PAX3: variants seen among roughly 807,000 people sequenced by gnomAD.
PAX3 encodes paired box protein Pax-3.
PAX3 carries 14 observed loss-of-function variants against 51.6 expected under a neutral mutation model. The observed-to-expected ratio is 0.27, with a 90% CI of 0.18 to 0.42. The LOEUF is 0.42. PAX3 is among the 10% of genes least tolerant of loss of function. The pLI, the probability that PAX3 is intolerant of heterozygous loss-of-function variation, is 1.00. For synonymous variants in PAX3, 280 were observed against 253.4 expected, an observed-to-expected ratio of 1.11 and a Z score of -1.00; for missense variants, 540 against 642.8, an observed-to-expected ratio of 0.84 and a Z score of 1.73.
intron 4 of PAX3, among the ~76,000 whole-genome samples, chr2:222,249,611 A>ACTAG (rs1236018641): frequency 6.6e-6 from 1 of 152,194 alleles, no homozygotes; most frequent in Non-Finnish European, 1.5e-5. Context: ...AGAACACAAA[A>ACTAG]CTAGCTTTCT....
intron 4 of PAX3, among the ~76,000 whole-genome samples, chr2:222,267,845 T>C (rs1032140770): frequency 6.6e-6 from 1 of 152,252 alleles, no homozygotes; most frequent in Non-Finnish European, 1.5e-5. Flanking sequence ...AAAAATCATA[T>C]AATTTGTGAT....
chr2:222,259,032 A>G (rs1693749314), intron 4 of PAX3, among the ~76,000 whole-genome samples: 1 of 152,234 alleles, frequency 6.6e-6, no homozygotes, highest in African/African-American at 2.4e-5. Context: ...TAGAATTAAG[A>G]AACTCCTTCC....
chr2:222,223,181 C>T (rs1692264157), intron 5 of PAX3, among the ~76,000 whole-genome samples: 1 of 144,920 alleles, frequency 6.9e-6, no homozygotes, highest in African/African-American at 2.5e-5. Context: ...TTTTGGTACT[C>T]ACCCAAGCAT....
At chr2:222,250,269 A>G (rs1693377584) in intron 4 of PAX3, among the ~76,000 whole-genome samples, 1 of 152,178 alleles carries the variant, frequency 6.6e-6, no homozygotes, top group Admixed American at 6.5e-5. Context: ...CTTTTGTGCA[A>G]TGGAAGTAGT....
chr2:222,264,314 G>A (rs1693966959), intron 4 of PAX3: 1 of 152,214 alleles, frequency 6.6e-6, no homozygotes, highest in Non-Finnish European at 1.5e-5. Flanking sequence ...TACTGTAGGA[G>A]TCTATTTTTG....
intron 4 of PAX3, among the ~76,000 whole-genome samples, chr2:222,280,303 GGGAAGGA>G: frequency 7.3e-6 from 1 of 136,852 alleles, no homozygotes; most frequent in African/African-American, 2.8e-5. Context: ...GAGAGAGGGA[GGGAAGGA>G]GGGAGGAGGG....
chr2:222,282,282 G>T lies in PAX3; in HGVS notation c.586+11885C>A, dbSNP rs138729700. ...TCTGGCTCATTTCACAGGCTGAAACGTCTAGCTTAGGTAGACCAGGTATTC... is the reference window on the plus strand; with the variant it reads ...TCTGGCTCATTTCACAGGCTGAAACTTCTAGCTTAGGTAGACCAGGTATTC... On this transcript the variant is annotated intron_variant, in intron 4 of 8. Coordinates refer to ENST00000392070, the MANE Select transcript of PAX3 (RefSeq NM_181458.4). Among the ~76,000 whole-genome samples the T allele has an allele frequency of 3.3e-5, 5 of 152,168 alleles. No individual in the cohort carries two copies. In the East Asian group the frequency reaches 9.7e-4, roughly 29 times the overall value.
intron 7 of PAX3, among the ~76,000 whole-genome samples, chr2:222,216,199 T>C (rs1691951752): frequency 6.6e-6 from 1 of 152,188 alleles, no homozygotes; most frequent in African/African-American, 2.4e-5. Context: ...AAATGTGTAA[T>C]TTGTGTTCAT....
chr2:222,223,212 C>G (rs747958730), intron 5 of PAX3, among the ~76,000 whole-genome samples: 2 of 152,184 alleles, frequency 1.3e-5, no homozygotes, highest in Non-Finnish European at 2.9e-5. Context: ...AGAGTTTTGT[C>G]TTCTCTCGCC....
At chr2:222,217,400 C>G (rs1158164024) in intron 7 of PAX3, among the ~76,000 whole-genome samples, 1 of 152,074 alleles carries the variant, frequency 6.6e-6, no homozygotes, top group South Asian at 2.1e-4. Context: ...GTTTTCTCTT[C>G]ATTCAACTCT....
chr2:222,263,338 T>C (rs1302504128), intron 4 of PAX3: 3 of 152,168 alleles, frequency 2.0e-5, no homozygotes, highest in Non-Finnish European at 4.4e-5. Context: ...AAAGAGGATA[T>C]ATGGTTGGCA....
intron 8 of PAX3, 192 bp from the exon 9 acceptor site, chr2:222,201,634 T>G (rs1691295963): frequency 2.3e-6 from 3 of 1,316,944 alleles, no homozygotes; most frequent in African/African-American, 1.5e-5. Context: ...ATCCTGGAGC[T>G]GACCTCATTA....
At chr2:222,274,250 C>A (rs1487615625) in intron 4 of PAX3, among the ~76,000 whole-genome samples, 1 of 152,098 alleles carries the variant, frequency 6.6e-6, no homozygotes, top group Non-Finnish European at 1.5e-5. Flanking sequence ...TTTTGACAAA[C>A]TATATATTTG....
At chr2:222,293,706 C>T (rs1360856610) in intron 4 of PAX3, 1 of 1,528,918 alleles carries the variant, frequency 6.5e-7, no homozygotes, top group Non-Finnish European at 9.0e-7. Flanking sequence ...CAAAAGAGTA[C>T]TCTCTCTCTC....
Position 222,232,134 on chromosome 2 carries a change from T to C in PAX3, c.736A>G (p.Ile246Val). The part of the protein sequence containing the change: ...RAFERTHYPD[I>V]YTREELAQRA... ...TGGGCCAGTTCCTCCCTAGTATAAA[T>C]GTCAGGGTAATGAGTTCTCTCAAAA... The change falls in exon 5 of 9, where the codon ATT (isoleucine) becomes GTT (valine). Residue 246 changes from isoleucine to valine, a missense_variant. Around this residue, in one of 3 missense-constraint regions of PAX3, gnomAD observed 427 missense variants for 483.6 expected, o/e 0.88. Coordinates refer to ENST00000392070, the MANE Select transcript of PAX3 (RefSeq NM_181458.4). 1.2e-6 allele frequency: 2 copies of C among 1,614,060 alleles called. No homozygotes were observed. Among genetic ancestry groups the C allele is most frequent in the Non-Finnish European group, 1.7e-6 (2 of 1,179,956 alleles).
In PAX3 at chr2:222,220,247, G is replaced by C. The variant is rs1464363854; in HGVS notation, c.1066C>G (p.Leu356Val). 1 of 1,613,834 alleles carries C rather than the reference G, an allele frequency of 6.2e-7. No homozygotes were observed. The highest frequency in any genetic ancestry group is 8.5e-7 in the Non-Finnish European group (1 of 1,179,890). The change falls in exon 7 of 9, where the codon CTC (leucine) becomes GTC (valine). Residue 356 changes from leucine to valine, a missense_variant. This residue lies in a region of PAX3 where 427 missense variants were observed against 483.6 expected (regional missense o/e 0.88). Coordinates refer to ENST00000392070, the MANE Select transcript of PAX3 (RefSeq NM_181458.4). Reference sequence around the variant, plus strand: ...GAAAATCCATGCCTGGTGCTGGGGAGGCAGTAGGCAGAGCTGCTGTCTGGG... The same window carrying C: ...GAAAATCCATGCCTGGTGCTGGGGACGCAGTAGGCAGAGCTGCTGTCTGGG... ...SNPDSSSAYC[L>V]PSTRHGFSSY... is the part of the protein sequence containing the mutation.
At chr2:222,207,797 G>A (rs986326118) in intron 7 of PAX3, among the ~76,000 whole-genome samples, 51 of 152,028 alleles carry the variant, frequency 3.4e-4, no homozygotes, top group Non-Finnish European at 4.0e-4. Flanking sequence ...GAGAATTAGC[G>A]CAGAAATGAG....
rs532530318 is a variant in PAX3, at chr2:222,210,646, T to C, written c.1174-8456A>G. Reference sequence around the variant, plus strand: ...AACCTGAATTTCTCAAATAAATTGATCTTAGTACATTATATTTCTGGAGAC... The same window carrying C: ...AACCTGAATTTCTCAAATAAATTGACCTTAGTACATTATATTTCTGGAGAC... On this transcript the variant is annotated intron_variant, in intron 7 of 8. Transcript: ENST00000392070. Among the ~76,000 whole-genome samples the C allele has an allele frequency of 1.2e-3, 178 of 152,288 alleles. 2 individuals carry two copies. Among genetic ancestry groups the C allele is most frequent in the Non-Finnish European group, 1.9e-3 (128 of 68,026 alleles).
At chr2:222,255,994 T>G (rs1390795044) in intron 4 of PAX3, among the ~76,000 whole-genome samples, 1 of 148,146 alleles carries the variant, frequency 6.8e-6, no homozygotes, top group Non-Finnish European at 1.5e-5. Context: ...TGGTCTCGAT[T>G]TCCTGACCTC....
Sources: allele counts gnomAD v4.1 joint callset (sites outside exome capture counted in the v4.1 genomes callset), GRCh38; gene constraint gnomAD v4.1.1; regional missense constraint gnomAD v4.1.1; transcripts MANE v1.5; gene names NCBI Gene and HGNC (gene_info 2026-07-23, HGNC 2026-07-21).